Variants in USH2A observed in about 807,000 individuals in gnomAD.
USH2A encodes the protein usherin, also known as Usher syndrome 2A (autosomal recessive, mild).
A neutral mutation model predicts 538.9 loss-of-function variants in USH2A; 443 were observed. The observed-to-expected ratio is 0.82, with a 90% confidence interval of 0.76 to 0.89. The LOEUF is 0.89. Ranked by LOEUF, USH2A falls within the 40% of genes least tolerant of loss-of-function variation. The pLI is 0.00. For synonymous variants in USH2A, 2,413 were observed against 2,273.5 expected (o/e 1.06, Z -1.75); for missense variants, 6,633 against 6,324.8 (o/e 1.05, Z -1.65).
intron 61 of USH2A, among the ~76,000 whole-genome samples, chr1:215,693,226 C>T (rs1048169679): frequency 6.6e-6 from 1 of 151,678 alleles, no homozygotes; most frequent in African/African-American, 2.4e-5. Flanking sequence ...AGCAATCCAC[C>T]TGCCTTGGCC....
At chr1:215,758,363 G>A (rs913519299) in intron 58 of USH2A, among the ~76,000 whole-genome samples, 7 of 151,650 alleles carry the variant, frequency 4.6e-5, no homozygotes, top group Non-Finnish European at 8.8e-5. Context: ...ATAGAAAGCT[G>A]TATATACTTA....
intron 3 of USH2A, among the ~76,000 whole-genome samples, chr1:216,412,089 T>C (rs1558076900): frequency 6.6e-6 from 1 of 152,156 alleles, no homozygotes; most frequent in Non-Finnish European, 1.5e-5. Context: ...ATAAAGTGTT[T>C]TAGTAGACAA....
At chr1:216,221,586 G>T (rs2035458942) in intron 14 of USH2A, among the ~76,000 whole-genome samples, 1 of 152,168 alleles carries the variant, frequency 6.6e-6, no homozygotes, top group African/African-American at 2.4e-5. Flanking sequence ...TTAACAGTGT[G>T]CAACCCCACC....
chr1:215,906,838 C>T (rs1390885089), intron 38 of USH2A, among the ~76,000 whole-genome samples: 2 of 151,868 alleles, frequency 1.3e-5, no homozygotes, highest in Non-Finnish European at 2.9e-5. Context: ...ATTGTGTTTT[C>T]GTAGGTATGT....
chr1:215,691,339 C>T (rs1343524363), intron 61 of USH2A, among the ~76,000 whole-genome samples: 2 of 152,198 alleles, frequency 1.3e-5, no homozygotes, highest in African/African-American at 4.8e-5. Context: ...CCTTCCACTT[C>T]CTTTCTGACA....
At chr1:216,189,119 A>G (rs577738292) in intron 20 of USH2A, among the ~76,000 whole-genome samples, 66 of 152,104 alleles carry the variant, frequency 4.3e-4, no homozygotes, top group Non-Finnish European at 7.5e-4. Flanking sequence ...ATGCACATCT[A>G]TAAAATACAT....
At chr1:216,213,973 A>G (rs77048352) in intron 15 of USH2A, among the ~76,000 whole-genome samples, 4,105 of 152,164 alleles carry the variant, frequency 0.027, 197 homozygotes, top group African/African-American at 0.092. Context: ...GTCAGCAGGA[A>G]AAATGCAAAC....
intron 38 of USH2A, among the ~76,000 whole-genome samples, 182 bp downstream of exon 38, chr1:215,934,433 AG>A (rs1220014682): frequency 2.0e-5 from 3 of 152,060 alleles, no homozygotes; most frequent in Non-Finnish European, 4.4e-5. Context: ...AAACAATAAA[AG>A]ATCGTCAATT....
intron 21 of USH2A, among the ~76,000 whole-genome samples, chr1:216,139,797 C>A (rs151050233): frequency 6.6e-6 from 1 of 152,160 alleles, no homozygotes; most frequent in Admixed American, 6.5e-5. Context: ...TTCCCTATCT[C>A]TTCATTCTTC....
At chr1:216,040,627 C>T (rs889647925) in intron 32 of USH2A, among the ~76,000 whole-genome samples, 1 of 151,950 alleles carries the variant, frequency 6.6e-6, no homozygotes, top group Admixed American at 6.6e-5. Flanking sequence ...TGCTGTCCAG[C>T]CTGAACTTTG....
intron 55 of USH2A, among the ~76,000 whole-genome samples, chr1:215,778,494 A>G (rs1661529321): frequency 1.3e-5 from 2 of 152,046 alleles, no homozygotes; most frequent in African/African-American, 4.8e-5. Flanking sequence ...ATGCTTGCTT[A>G]TGTGTTAGGG....
chr1:215,640,625 G>A lies in USH2A; in HGVS notation c.14901C>T (p.Thr4967=), dbSNP rs397517993. ...LNGQLKEYVL[T]DGGRRVYSGL... is the part of the protein sequence containing the mutation. ...CGCTGTACACGCGTCGCCCTCCGTC[G>A]GTTAACACGTACTCCTTCAGTTGGC... The change falls in exon 68 of 72, where the codon ACC becomes ACT. Residue 4967 remains threonine, a synonymous_variant. Transcript: ENST00000307340. 1.2e-4 allele frequency: 192 copies of A among 1,613,592 alleles called. No individual in the cohort carries two copies. Among genetic ancestry groups the A allele is most frequent in the Non-Finnish European group, 1.3e-4 (158 of 1,179,962 alleles).
chr1:216,348,491 A>T (rs1364794767), intron 4 of USH2A, among the ~76,000 whole-genome samples: 1 of 152,128 alleles, frequency 6.6e-6, no homozygotes, highest in Non-Finnish European at 1.5e-5. Flanking sequence ...CCCAACTCAT[A>T]GGTATTTGAT....
chr1:215,887,521 A>G (rs1223222568), intron 41 of USH2A, among the ~76,000 whole-genome samples: 1 of 152,224 alleles, frequency 6.6e-6, no homozygotes, highest in Non-Finnish European at 1.5e-5. Flanking sequence ...TTCTATACAC[A>G]TATTTATATC....
At chr1:216,138,566 C>T (rs1329037918) in intron 21 of USH2A, among the ~76,000 whole-genome samples, 2 of 152,154 alleles carry the variant, frequency 1.3e-5, no homozygotes, top group South Asian at 2.1e-4. Context: ...TTTTCCAGTA[C>T]ACCAAGTCCT....
chr1:216,070,034 A>AT (rs2031505262), intron 30 of USH2A, 67 bp downstream of exon 30: 9 of 1,557,070 alleles, frequency 5.8e-6, no homozygotes, highest in African/African-American at 5.4e-5. Flanking sequence ...TTTGCAGAAG[A>AT]TTTTTATTTA....
intron 26 of USH2A, among the ~76,000 whole-genome samples, chr1:216,082,305 A>C (rs75784249): frequency 6.6e-5 from 6 of 90,904 alleles, no homozygotes; most frequent in African/African-American, 1.4e-4. Flanking sequence ...TACATTTCAG[A>C]GAAGATTCAT....
chr1:216,270,881 A>G lies in USH2A; in HGVS notation c.1971+18399T>C, dbSNP rs544716477. Among the ~76,000 whole-genome samples the G allele has an allele frequency of 1.8e-3, 281 of 151,976 alleles. 3 individuals carry two copies. The highest frequency in any genetic ancestry group is 6.6e-3 in the African/African-American group (274 of 41,478). ...TGAGCCACTGTGCCTTGCCTCATCTACTTTAATTCTGATGATAATAATCCT... is the reference window on the plus strand; with the variant it reads ...TGAGCCACTGTGCCTTGCCTCATCTGCTTTAATTCTGATGATAATAATCCT... On this transcript the variant is annotated intron_variant, in intron 11 of 71. Transcript: ENST00000307340.
chr1:215,733,662 A>C (rs532598265), intron 60 of USH2A, among the ~76,000 whole-genome samples: 225 of 152,346 alleles, frequency 1.5e-3, no homozygotes, highest in Non-Finnish European at 2.7e-3. Flanking sequence ...AAACATTCTC[A>C]TTGCAAAAGG....
Sources: allele counts gnomAD v4.1 joint callset (sites outside exome capture counted in the v4.1 genomes callset), GRCh38; gene constraint gnomAD v4.1.1; transcripts MANE v1.5; gene names NCBI Gene and HGNC (gene_info 2026-07-23, HGNC 2026-07-21).